The following ANOS1 variants were observed in gnomAD, a reference collection of about 807,000 sequenced individuals.
The protein encoded by ANOS1 is anosmin-1.
ANOS1 carries 6 observed loss-of-function variants against 59.0 expected under a neutral mutation model. The observed-to-expected ratio is 0.10, with a 90% CI of 0.06 to 0.20. The LOEUF (loss-of-function observed/expected upper bound fraction) is 0.20. Ranked by LOEUF, ANOS1 falls within the 10% of genes least tolerant of loss-of-function variation. ANOS1 has a pLI of 1.00. For missense variants in ANOS1, 433 were observed against 542.3 expected (o/e 0.80, Z 2.00); for synonymous variants, 217 against 223.4 (o/e 0.97, Z 0.25).
At chrX:8,545,165 A>T (rs762075681) in intron 9 of ANOS1, among the ~76,000 whole-genome samples, 26 of 103,299 alleles carry the variant, frequency 2.5e-4, no homozygotes, top group Non-Finnish European at 4.3e-4. Context: ...AGGCAGGAGG[A>T]TTGCTTGAGG....
intron 1 of ANOS1, among the ~76,000 whole-genome samples, chrX:8,707,266 T>C (rs755567125): frequency 3.6e-5 from 4 of 111,669 alleles, no homozygotes; most frequent in Non-Finnish European, 7.5e-5. Context: ...AAGAAATAAA[T>C]GAATGGAGTA....
chrX:8,659,737 T>C (rs1027208961), intron 2 of ANOS1, among the ~76,000 whole-genome samples: 38 of 109,070 alleles, frequency 3.5e-4, no homozygotes, highest in African/African-American at 9.7e-4. Context: ...CAAGTGATTT[T>C]CCTGCCTCAG....
chrX:8,691,290 T>C (rs1932603692), intron 2 of ANOS1, among the ~76,000 whole-genome samples: 1 of 110,883 alleles, frequency 9.0e-6, no homozygotes, highest in African/African-American at 3.3e-5. Flanking sequence ...GCCAGGCTGG[T>C]CTTGAACTCT....
intron 2 of ANOS1, among the ~76,000 whole-genome samples, chrX:8,676,682 T>C (rs1015904019): frequency 3.6e-5 from 4 of 112,271 alleles, no homozygotes; most frequent in African/African-American, 1.3e-4. Context: ...GGGTTCATCC[T>C]ACACATTGTT....
intron 2 of ANOS1, among the ~76,000 whole-genome samples, chrX:8,687,416 C>T (rs180737307): frequency 3.0e-4 from 32 of 108,318 alleles, no homozygotes; most frequent in Non-Finnish European, 3.6e-4. Flanking sequence ...TCCTAACAGA[C>T]ATTTGTCTAA....
At position 8,714,860 on chromosome X, in the gene ANOS1, G is replaced by T. The variant is rs1602040890; in HGVS notation, c.208-15115C>A. 2.7e-5 allele frequency among the ~76,000 whole-genome samples: 3 copies of T among 112,069 alleles called. No homozygotes were observed. The East Asian group carries it at 8.4e-4, about 31-fold the overall frequency. ...TAATTTATGTTATTCATTAAAGAGT[G>T]CAGAATAATTCATCAAACTAAAATA... On this transcript the variant is annotated intron_variant, in intron 1 of 13. Transcript: ENST00000262648.
chrX:8,570,394 A>T (rs1481590901), intron 7 of ANOS1, 105 bp downstream of exon 7: 26 of 658,603 alleles, frequency 3.9e-5, no homozygotes, highest in Non-Finnish European at 5.9e-5. Context: ...GCTTTCCTGC[A>T]TCCATGGCAT....
chrX:8,538,457 A>C lies in ANOS1; in HGVS notation c.1449+1207T>G, dbSNP rs968642137. Among the ~76,000 whole-genome samples, 3 of 111,970 alleles carry C rather than the reference A, an allele frequency of 2.7e-5. No homozygotes were observed. The Admixed American group carries it at 2.9e-4, about 11-fold the overall frequency. On this transcript the variant is annotated intron_variant, in intron 10 of 13. Transcript: ENST00000262648. Reference sequence around the variant, plus strand: ...TTTGATTTTTATTTCTACCAGATACATTACATCTGCTCAGCAAATAGTTGT... The same window carrying C: ...TTTGATTTTTATTTCTACCAGATACCTTACATCTGCTCAGCAAATAGTTGT...
At chrX:8,619,955 C>T (rs1027887503) in intron 3 of ANOS1, among the ~76,000 whole-genome samples, 1 of 111,643 alleles carries the variant, frequency 9.0e-6, no homozygotes, top group Non-Finnish European at 1.9e-5. Flanking sequence ...TGTTTTGACA[C>T]AGGCTCTTAC....
chrX:8,572,215 G>A (rs1203924172), intron 6 of ANOS1, among the ~76,000 whole-genome samples: 1 of 109,786 alleles, frequency 9.1e-6, no homozygotes, highest in Middle Eastern at 4.2e-3. Context: ...GTGGTTTGCT[G>A]CACAAATCAA....
chrX:8,664,319 T>G (rs956390415), intron 2 of ANOS1, among the ~76,000 whole-genome samples: 10 of 110,678 alleles, frequency 9.0e-5, no homozygotes, highest in Non-Finnish European at 1.3e-4. Context: ...GCCTCCCGAG[T>G]AGCTGGGACT....
intron 2 of ANOS1, among the ~76,000 whole-genome samples, chrX:8,659,461 CCCT>C (rs1931992261): frequency 9.4e-6 from 1 of 106,648 alleles, no homozygotes; most frequent in Non-Finnish European, 1.9e-5. Context: ...CTCCCTCCCT[CCCT>C]CCTTCCTTGC....
At chrX:8,606,829 T>C (rs775096329) in intron 3 of ANOS1, among the ~76,000 whole-genome samples, 20 of 112,978 alleles carry the variant, frequency 1.8e-4, no homozygotes, top group African/African-American at 6.4e-4. Flanking sequence ...AAATAAATAG[T>C]ATACTTGGCT....
At chrX:8,610,006 C>CAAAAAAAAAAAAAAA (rs1167209336) in intron 3 of ANOS1, among the ~76,000 whole-genome samples, 7 of 9,161 alleles carry the variant, frequency 7.6e-4, no homozygotes, top group Non-Finnish European at 1.1e-3. Context: ...GACTCCATCT[C>CAAAAAAAAAAAAAAA]AAAAAAAAAA....
chrX:8,687,425 A>AAAAT (rs772372495), intron 2 of ANOS1, among the ~76,000 whole-genome samples: 35 of 109,859 alleles, frequency 3.2e-4, no homozygotes, highest in Non-Finnish European at 4.5e-4. Context: ...ACATTTGTCT[A>AAAAT]AAATAAATAA....
At chrX:8,691,997 A>C (rs1455503311) in intron 2 of ANOS1, among the ~76,000 whole-genome samples, 1 of 111,524 alleles carries the variant, frequency 9.0e-6, no homozygotes, top group Non-Finnish European at 1.9e-5. Flanking sequence ...ATTTTAAGAT[A>C]TGTCTTTGTA....
intron 8 of ANOS1, among the ~76,000 whole-genome samples, chrX:8,567,666 C>T (rs777963927): frequency 4.7e-4 from 52 of 111,072 alleles, no homozygotes; most frequent in Non-Finnish European, 7.9e-4. Context: ...TGGTGGTGCA[C>T]GCCTGTAATC....
At chrX:8,721,639 T>C (rs1932875818) in intron 1 of ANOS1, among the ~76,000 whole-genome samples, 1 of 111,898 alleles carries the variant, frequency 8.9e-6, no homozygotes. Flanking sequence ...AGGCTCTTTC[T>C]TAGAGGTGTG....
chrX:8,726,103 C>T (rs1425818060), intron 1 of ANOS1, among the ~76,000 whole-genome samples: 1 of 110,769 alleles, frequency 9.0e-6, no homozygotes, highest in Non-Finnish European at 1.9e-5. Flanking sequence ...ACATCGTAGG[C>T]TGGGTATGAG....
Sources: gnomAD v4.1 joint callset for allele counts (sites outside exome capture counted in the v4.1 genomes callset) on GRCh38, gnomAD v4.1.1 for gene constraint, MANE v1.5 for transcripts, NCBI Gene and HGNC (gene_info 2026-07-23, HGNC 2026-07-21) for gene names.